Variants in CTNNA3 observed in about 807,000 individuals in gnomAD.
CTNNA3 encodes the protein catenin alpha 3, also known as catenin alpha-3.
Under a neutral mutation model 95.7 loss-of-function variants are expected in CTNNA3, and 76 were observed. The observed-to-expected ratio is 0.79, with a 90% confidence interval of 0.66 to 0.96. The LOEUF (loss-of-function observed/expected upper bound fraction) is 0.96, where lower values mean the gene tolerates loss of function less well. Ranked by LOEUF, CTNNA3 falls within the 40% of genes least tolerant of loss-of-function variation. The probability of loss-of-function intolerance (pLI) is 0.00; values close to 1 mark genes in which losing one functional copy is unlikely to be tolerated. For synonymous variants in CTNNA3, 431 were observed against 374.4 expected, an observed-to-expected ratio of 1.15 and a Z score of -1.74; for missense variants, 1,191 against 1,089.8, an observed-to-expected ratio of 1.09 and a Z score of -1.31.
intron 7 of CTNNA3, among the ~76,000 whole-genome samples, chr10:67,077,562 A>G (rs931341296): frequency 1.3e-5 from 2 of 151,886 alleles, no homozygotes; most frequent in Non-Finnish European, 2.9e-5. Flanking sequence ...CCCACTTTCT[A>G]CTTGATTCAT....
chr10:65,922,155 A>T (rs1399678053), intron 17 of CTNNA3, among the ~76,000 whole-genome samples: 1 of 152,198 alleles, frequency 6.6e-6, no homozygotes, highest in Non-Finnish European at 1.5e-5. Flanking sequence ...CCTGCCTCCA[A>T]GAATATCCTA....
chr10:66,545,147 T>C (rs1841997648), intron 10 of CTNNA3, among the ~76,000 whole-genome samples: 1 of 152,080 alleles, frequency 6.6e-6, no homozygotes, highest in Non-Finnish European at 1.5e-5. Context: ...ATTAAAAGTC[T>C]ATAAAACAGA....
chr10:65,966,411 C>A (rs1469958708), intron 17 of CTNNA3, among the ~76,000 whole-genome samples: 4 of 152,144 alleles, frequency 2.6e-5, no homozygotes, highest in African/African-American at 9.7e-5. Context: ...TAAATAAAAA[C>A]AACATTTTTA....
chr10:66,975,712 G>A (rs564321699), intron 7 of CTNNA3, among the ~76,000 whole-genome samples: 3 of 152,220 alleles, frequency 2.0e-5, no homozygotes, highest in East Asian at 3.9e-4. Context: ...AGCTAAGTTC[G>A]TCCTATCTGC....
At chr10:66,863,237 A>G (rs1380373411) in intron 7 of CTNNA3, among the ~76,000 whole-genome samples, 5 of 151,690 alleles carry the variant, frequency 3.3e-5, no homozygotes, top group African/African-American at 9.7e-5. Context: ...ATATAATACA[A>G]TATATAATAT....
Position 65,957,923 on chromosome 10 carries a change from G to T in CTNNA3, c.2400+8689C>A, listed in dbSNP as rs569578229. On this transcript the variant is annotated intron_variant, in intron 17 of 17. Transcript: ENST00000433211. ...TTCTCTGTATTTCCTGAATTTGAAT[G>T]TTGGCCTGCCTTGCTAGGTTGGGGA... Among the ~76,000 whole-genome samples the T allele has an allele frequency of 2.0e-5, 3 of 152,276 alleles. No homozygotes were observed. The South Asian group carries it at 6.2e-4, about 32-fold the overall frequency.
At chr10:67,415,582 T>C (rs1270922445) in intron 5 of CTNNA3, among the ~76,000 whole-genome samples, 1 of 152,200 alleles carries the variant, frequency 6.6e-6, no homozygotes. Flanking sequence ...CCTAAAGCAA[T>C]TTACAGTTAC....
At chr10:67,671,508 G>A (rs59315050) in intron 1 of CTNNA3, among the ~76,000 whole-genome samples, 7 of 137,826 alleles carry the variant, frequency 5.1e-5, no homozygotes, top group South Asian at 2.3e-4. Context: ...ATCCCTCCCC[G>A]CTCCCCCCAC....
At chr10:66,580,870 T>C (rs566943244) in intron 10 of CTNNA3, among the ~76,000 whole-genome samples, 1 of 151,884 alleles carries the variant, frequency 6.6e-6, no homozygotes, top group East Asian at 1.9e-4. Flanking sequence ...TAGTGCATAT[T>C]GTACTCAATA....
intron 12 of CTNNA3, among the ~76,000 whole-genome samples, chr10:66,346,335 G>A (rs1410211064): frequency 6.7e-6 from 1 of 150,228 alleles, no homozygotes; most frequent in African/African-American, 2.4e-5. Context: ...CTGGAGTGGA[G>A]TGGCATGATC....
chr10:66,415,988 G>C (rs1229456511), intron 11 of CTNNA3, among the ~76,000 whole-genome samples: 4 of 152,076 alleles, frequency 2.6e-5, no homozygotes, highest in African/African-American at 7.2e-5. Flanking sequence ...TAAAATCCTA[G>C]TAAAAATTCA....
chr10:66,389,678 AAT>A (rs1452295874), intron 11 of CTNNA3, among the ~76,000 whole-genome samples: 4 of 151,872 alleles, frequency 2.6e-5, no homozygotes, highest in Admixed American at 6.6e-5. Context: ...GCATTTTTAA[AAT>A]TATAATTTTT....
intron 14 of CTNNA3, among the ~76,000 whole-genome samples, chr10:66,073,414 C>A (rs1471418712): frequency 2.0e-5 from 3 of 152,116 alleles, no homozygotes; most frequent in Non-Finnish European, 4.4e-5. Flanking sequence ...TTCCAAACAA[C>A]CTCTTCAGTC....
chr10:66,920,161 T>C (rs1189912059), intron 7 of CTNNA3, among the ~76,000 whole-genome samples: 1 of 152,236 alleles, frequency 6.6e-6, no homozygotes. Flanking sequence ...AAATTAATTT[T>C]GTCATAGATA....
At chr10:66,760,824 T>C (rs559709200) in intron 9 of CTNNA3, among the ~76,000 whole-genome samples, 1 of 151,802 alleles carries the variant, frequency 6.6e-6, no homozygotes, top group Non-Finnish European at 1.5e-5. Flanking sequence ...ACCAAGGGAG[T>C]GGGCAGTCAC....
chr10:67,620,923 G>GTGTATA (rs1402402526), intron 2 of CTNNA3, among the ~76,000 whole-genome samples: 7,724 of 123,204 alleles, frequency 0.063, 329 homozygotes, highest in East Asian at 0.13. Flanking sequence ...GTGTGTGTGT[G>GTGTATA]TATATATATA....
chr10:66,797,083 T>A (rs988306039), intron 7 of CTNNA3, among the ~76,000 whole-genome samples: 1 of 151,980 alleles, frequency 6.6e-6, no homozygotes. Context: ...AAATTTGTTT[T>A]TTTTTTCCTA....
At chr10:67,399,712 C>A (rs1844848037) in intron 5 of CTNNA3, among the ~76,000 whole-genome samples, 1 of 152,130 alleles carries the variant, frequency 6.6e-6, no homozygotes. Flanking sequence ...TCTTTTCCTC[C>A]ATTAAGGTAC....
intron 7 of CTNNA3, among the ~76,000 whole-genome samples, chr10:67,069,174 T>C (rs2764807): frequency 0.51 from 77,526 of 151,904 alleles, 20,149 homozygotes; most frequent in Middle Eastern, 0.64. Flanking sequence ...AAGTAGGCTA[T>C]AGTCTCAAAC....
Sources: gnomAD v4.1 joint callset for allele counts (sites outside exome capture counted in the v4.1 genomes callset) on GRCh38, gnomAD v4.1.1 for gene constraint, MANE v1.5 for transcripts, NCBI Gene and HGNC (gene_info 2026-07-23, HGNC 2026-07-21) for gene names.